PRKAR2B: variants seen among roughly 807,000 people sequenced by gnomAD.
PRKAR2B encodes the protein cAMP-dependent protein kinase type II-beta regulatory subunit.
PRKAR2B carries 14 observed loss-of-function variants against 49.9 expected under a neutral mutation model. That is an observed-to-expected ratio of 0.28 (90% CI 0.19 to 0.44). The LOEUF is 0.44. Ranked by LOEUF, PRKAR2B falls within the 20% of genes least tolerant of loss-of-function variation. PRKAR2B has a pLI of 1.00. For missense variants in PRKAR2B, 393 were observed against 537.9 expected (o/e 0.73, Z 2.67); for synonymous variants, 196 against 197.7 (o/e 0.99, Z 0.07).
At chr7:107,133,157 A>G (rs1417988175) in intron 4 of PRKAR2B, among the ~76,000 whole-genome samples, 2 of 152,196 alleles carry the variant, frequency 1.3e-5, no homozygotes, top group East Asian at 3.9e-4. Context: ...AAGCCTCTGC[A>G]TATTAAATAT....
chr7:107,093,264 G>A (rs1350180616), intron 2 of PRKAR2B, among the ~76,000 whole-genome samples: 1 of 152,128 alleles, frequency 6.6e-6, no homozygotes, highest in African/African-American at 2.4e-5. Context: ...ATCATGTGGT[G>A]ATTCTGTTTA....
At chr7:107,105,774 C>A (rs1795059957) in intron 2 of PRKAR2B, among the ~76,000 whole-genome samples, 2 of 152,132 alleles carry the variant, frequency 1.3e-5, no homozygotes, top group South Asian at 4.2e-4. Context: ...GTTACAGGAC[C>A]AGCAAGTCAG....
At chr7:107,061,362 A>T (rs542293189) in intron 1 of PRKAR2B, among the ~76,000 whole-genome samples, 1 of 152,208 alleles carries the variant, frequency 6.6e-6, no homozygotes, top group Non-Finnish European at 1.5e-5. Context: ...CTTCCTATCC[A>T]TGAACATGAT....
intron 5 of PRKAR2B, among the ~76,000 whole-genome samples, chr7:107,145,442 A>C (rs1337227960): frequency 6.6e-6 from 1 of 152,206 alleles, no homozygotes; most frequent in Non-Finnish European, 1.5e-5. Context: ...TGATCACAAA[A>C]GTAATAATAT....
intron 4 of PRKAR2B, among the ~76,000 whole-genome samples, chr7:107,138,002 C>G (rs1795729248): frequency 1.3e-5 from 2 of 151,974 alleles, no homozygotes; most frequent in Admixed American, 1.3e-4. Context: ...TTCTTTGGGT[C>G]TAGAAAATTC....
intron 6 of PRKAR2B, among the ~76,000 whole-genome samples, chr7:107,148,274 G>T (rs983619499): frequency 7.2e-5 from 11 of 152,206 alleles, no homozygotes; most frequent in African/African-American, 2.7e-4. Flanking sequence ...TTGCCGTTCA[G>T]ATTCAGATTG....
chr7:107,127,632 G>A (rs894219841), intron 3 of PRKAR2B, among the ~76,000 whole-genome samples: 1 of 152,204 alleles, frequency 6.6e-6, no homozygotes, highest in African/African-American at 2.4e-5. Context: ...GTGCATGATT[G>A]TTTGCTCCCT....
At chr7:107,137,544 A>C (rs1325564027) in intron 4 of PRKAR2B, among the ~76,000 whole-genome samples, 1 of 152,218 alleles carries the variant, frequency 6.6e-6, no homozygotes, top group Non-Finnish European at 1.5e-5. Flanking sequence ...TTTTATAAAT[A>C]TCTATATAGT....
At chr7:107,153,641 C>G (rs1796027751) in intron 8 of PRKAR2B, among the ~76,000 whole-genome samples, 1 of 152,134 alleles carries the variant, frequency 6.6e-6, no homozygotes, top group African/African-American at 2.4e-5. Flanking sequence ...ATAAAATTCA[C>G]CAAGAAAGGA....
chr7:107,124,871 C>T (rs1053512284), intron 3 of PRKAR2B, among the ~76,000 whole-genome samples: 3 of 151,532 alleles, frequency 2.0e-5, no homozygotes, highest in African/African-American at 7.3e-5. Context: ...CTGAAAAATG[C>T]ACTATTTTCA....
chr7:107,104,095 G>A (rs555634589), intron 2 of PRKAR2B, among the ~76,000 whole-genome samples: 4 of 151,982 alleles, frequency 2.6e-5, no homozygotes, highest in Admixed American at 6.5e-5. Context: ...GCAGTGGCAC[G>A]ATCTCGGCTT....
chr7:107,062,385 T>G (rs994185557), intron 1 of PRKAR2B, among the ~76,000 whole-genome samples: 1 of 152,186 alleles, frequency 6.6e-6, no homozygotes, highest in Non-Finnish European at 1.5e-5. Context: ...AACTGAAATG[T>G]CCATCAACAG....
In PRKAR2B at chr7:107,045,008, A is replaced by G. The variant is rs752054562; in HGVS notation, c.101A>G (p.Gln34Arg). 5.8e-6 allele frequency: 9 copies of G among 1,548,362 alleles called. No individual in the cohort carries two copies. In the African/African-American group the frequency reaches 6.8e-5, roughly 12 times the overall value. ...GCGGACCTGCTGGAGTTCGCGCTGC[A>G]GCACTTCACCCGCCTGCAGCAGGAG... ...QPADLLEFAL[Q>R]HFTRLQQENE... Residue 34 changes from glutamine to arginine, a missense_variant, in exon 1 of 11, where the codon CAG (glutamine) becomes CGG (arginine). Physicochemically the swap from Gln to Arg is conservative, Grantham distance 43. Coordinates refer to ENST00000265717, the MANE Select transcript of PRKAR2B (RefSeq NM_002736.3).
chr7:107,070,570 G>T (rs899683318), intron 2 of PRKAR2B, among the ~76,000 whole-genome samples: 2 of 152,156 alleles, frequency 1.3e-5, no homozygotes, highest in African/African-American at 4.8e-5. Context: ...TACTAAACTG[G>T]TGGGCCTTTT....
intron 1 of PRKAR2B, chr7:107,068,774 G>A (rs1175375868): frequency 6.6e-6 from 1 of 152,162 alleles, no homozygotes; most frequent in Non-Finnish European, 1.5e-5. Context: ...TCAGGAATCT[G>A]TATTTTCACT....
At chr7:107,123,655 A>G (rs2115590532) in intron 3 of PRKAR2B, among the ~76,000 whole-genome samples, 1 of 152,214 alleles carries the variant, frequency 6.6e-6, no homozygotes, top group South Asian at 2.1e-4. Flanking sequence ...TTTCTGATGG[A>G]CCCAGCTTTG....
chr7:107,060,662 C>G (rs1474171622), intron 1 of PRKAR2B, among the ~76,000 whole-genome samples: 1 of 111,562 alleles, frequency 9.0e-6, no homozygotes, highest in Non-Finnish European at 1.7e-5. Context: ...CTTTAATGTT[C>G]TGGCTACCAA....
chr7:107,141,156 G>C (rs928464735), intron 5 of PRKAR2B, among the ~76,000 whole-genome samples: 3 of 152,118 alleles, frequency 2.0e-5, no homozygotes, highest in Non-Finnish European at 4.4e-5. Flanking sequence ...GTTTATAGAG[G>C]AACTAATGAC....
At chr7:107,061,172 T>C (rs1404532869) in intron 1 of PRKAR2B, among the ~76,000 whole-genome samples, 2 of 152,278 alleles carry the variant, frequency 1.3e-5, no homozygotes, top group East Asian at 3.9e-4. Context: ...TATGGTATGG[T>C]AACTCTCACT....
Sources: allele counts gnomAD v4.1 joint callset (sites outside exome capture counted in the v4.1 genomes callset), GRCh38; gene constraint gnomAD v4.1.1; transcripts MANE v1.5; gene names NCBI Gene and HGNC (gene_info 2026-07-23, HGNC 2026-07-21).